The following SAMD3 variants were observed in gnomAD, a reference collection of about 807,000 sequenced individuals.
SAMD3 encodes sterile alpha motif domain containing 3, also known as sterile alpha motif domain-containing protein 3.
Under a neutral mutation model 58.5 loss-of-function variants are expected in SAMD3, and 63 were observed. That is an observed-to-expected ratio of 1.08 (90% confidence interval 0.88 to 1.33). SAMD3 has a LOEUF of 1.33. Among genes scored for constraint, SAMD3 ranks in the 40% most tolerant of loss-of-function variants. The pLI is 0.00. For synonymous variants in SAMD3, 220 were observed against 210.3 expected (o/e 1.05, Z -0.40); for missense variants, 604 against 608.4 (o/e 0.99, Z 0.08).
intron 1 of SAMD3, among the ~76,000 whole-genome samples, chr6:130,330,051 C>T (rs1019494949): frequency 6.6e-6 from 1 of 152,118 alleles, no homozygotes; most frequent in Non-Finnish European, 1.5e-5. Flanking sequence ...CCTGCACATT[C>T]AGCACATGTA....
At chr6:130,365,715 G>A, upstream of SAMD3, 1 of 985,490 alleles carries the variant, frequency 1.0e-6, no homozygotes, top group Non-Finnish European at 1.2e-6. Flanking sequence ...AAGAGCGCCT[G>A]CAAGCGGGTA....
Position 130,144,525 on chromosome 6 carries a change from T to C in SAMD3, c.1558A>G (p.Thr520Ala). Residue 520 changes from threonine to alanine, a missense_variant, in exon 12 of 12, where the codon ACT becomes GCT. Coordinates refer to ENST00000439090, the MANE Select transcript of SAMD3 (RefSeq NM_001017373.4). The stretch of plus-strand genomic sequence containing the variant: ...GTACAATATTTGGCATGCTATTAAG[T>C]GAGTGGGTGCTGAAATCCTACTTCG... ...ENEVGFQHPLT is the reference protein window; with the variant it reads ...ENEVGFQHPLA 2 of 1,613,638 alleles carry C rather than the reference T, an allele frequency of 1.2e-6. No individual in the cohort carries two copies. The highest frequency in any genetic ancestry group is 1.7e-6 in the Non-Finnish European group (2 of 1,179,806).
chr6:130,338,336 G>C (rs901556931), intron 1 of SAMD3, among the ~76,000 whole-genome samples: 1 of 152,262 alleles, frequency 6.6e-6, no homozygotes, highest in Admixed American at 6.5e-5. Flanking sequence ...ACAGGCAGAA[G>C]TCTGCTGCAA....
intron 2 of SAMD3, among the ~76,000 whole-genome samples, chr6:130,287,746 C>T (rs935603293): frequency 6.6e-6 from 1 of 152,096 alleles, no homozygotes; most frequent in African/African-American, 2.4e-5. Context: ...GCAATCAAGA[C>T]CATCCTGGCC....
chr6:130,300,615 A>G (rs535757200), intron 2 of SAMD3, among the ~76,000 whole-genome samples: 41 of 152,198 alleles, frequency 2.7e-4, no homozygotes, highest in Non-Finnish European at 4.9e-4. Flanking sequence ...ATAGTACTGA[A>G]AGTTCTAGCT....
intron 2 of SAMD3, among the ~76,000 whole-genome samples, chr6:130,304,529 C>T (rs1477563076): frequency 1.3e-5 from 2 of 152,154 alleles, no homozygotes; most frequent in South Asian, 4.1e-4. Flanking sequence ...TGAACACATT[C>T]TCTATGTCTA....
At chr6:130,252,677 G>T (rs1239281298) in intron 2 of SAMD3, among the ~76,000 whole-genome samples, 3 of 152,172 alleles carry the variant, frequency 2.0e-5, no homozygotes, top group African/African-American at 7.2e-5. Flanking sequence ...GCCGCCTGAA[G>T]TGTCGTTTGT....
At chr6:130,285,406 A>T (rs895994815) in intron 2 of SAMD3, among the ~76,000 whole-genome samples, 1 of 152,168 alleles carries the variant, frequency 6.6e-6, no homozygotes, top group Non-Finnish European at 1.5e-5. Context: ...AAGCAGCCTC[A>T]CTAGTAAAGA....
chr6:130,354,497 A>G (rs1426820506), intron 1 of SAMD3, among the ~76,000 whole-genome samples: 1 of 152,230 alleles, frequency 6.6e-6, no homozygotes, highest in Non-Finnish European at 1.5e-5. Flanking sequence ...GCAGCCATAA[A>G]AAAGAAAGAG....
At chr6:130,294,137 G>T (rs968122213) in intron 2 of SAMD3, among the ~76,000 whole-genome samples, 1 of 152,124 alleles carries the variant, frequency 6.6e-6, no homozygotes, top group Non-Finnish European at 1.5e-5. Flanking sequence ...AATACATTAT[G>T]ATTTTTTAAA....
intron 5 of SAMD3, among the ~76,000 whole-genome samples, chr6:130,201,900 A>T (rs1436789671): frequency 6.6e-6 from 1 of 151,966 alleles, no homozygotes; most frequent in African/African-American, 2.4e-5. Context: ...TCTCTGTGTT[A>T]CTTCTCCATT....
At chr6:130,264,269 G>T (rs1229421738) in intron 2 of SAMD3, among the ~76,000 whole-genome samples, 1 of 152,158 alleles carries the variant, frequency 6.6e-6, no homozygotes, top group Non-Finnish European at 1.5e-5. Flanking sequence ...GCACCCTGCG[G>T]TTCAGCTGCC....
intron 1 of SAMD3, among the ~76,000 whole-genome samples, chr6:130,348,587 A>G (rs1331582892): frequency 3.3e-5 from 5 of 152,226 alleles, no homozygotes; most frequent in Non-Finnish European, 7.3e-5. Context: ...GCAAGTCCTT[A>G]GAGACCTACA....
intron 2 of SAMD3, among the ~76,000 whole-genome samples, chr6:130,241,258 T>G (rs1773348970): frequency 6.9e-6 from 1 of 145,394 alleles, no homozygotes; most frequent in Non-Finnish European, 1.5e-5. Flanking sequence ...TCGCCCAGGC[T>G]GGAGTGCAAT....
intron 5 of SAMD3, among the ~76,000 whole-genome samples, chr6:130,193,045 T>TG (rs1444089298): frequency 6.6e-6 from 1 of 152,192 alleles, no homozygotes; most frequent in Admixed American, 6.5e-5. Context: ...AGTCACAGAC[T>TG]GGGAAGGCAG....
intron 7 of SAMD3, among the ~76,000 whole-genome samples, chr6:130,180,327 G>A (rs1221426623): frequency 8.8e-6 from 1 of 113,328 alleles, no homozygotes; most frequent in Non-Finnish European, 1.8e-5. Context: ...TAGGGATGGG[G>A]TTTTACCATG....
At chr6:130,363,859 T>G (rs1003474102) in intron 1 of SAMD3, among the ~76,000 whole-genome samples, 1 of 152,204 alleles carries the variant, frequency 6.6e-6, no homozygotes, top group African/African-American at 2.4e-5. Context: ...AGAAAATAGT[T>G]GACTTCTATC....
chr6:130,167,894 C>T (rs566558356), intron 8 of SAMD3, among the ~76,000 whole-genome samples: 2 of 152,304 alleles, frequency 1.3e-5, no homozygotes, highest in South Asian at 4.1e-4. Flanking sequence ...ATATATATAA[C>T]ATGATGATAC....
At chr6:130,285,286 C>A (rs897822964) in intron 2 of SAMD3, among the ~76,000 whole-genome samples, 4 of 152,168 alleles carry the variant, frequency 2.6e-5, no homozygotes, top group Non-Finnish European at 5.9e-5. Flanking sequence ...TGAGTATTCA[C>A]AGTCATCAAG....
Sources: allele counts gnomAD v4.1 joint callset (sites outside exome capture counted in the v4.1 genomes callset), GRCh38; gene constraint gnomAD v4.1.1; transcripts MANE v1.5; gene names NCBI Gene and HGNC (gene_info 2026-07-23, HGNC 2026-07-21).